CNTNAP5: variants seen among roughly 807,000 people sequenced by gnomAD.
CNTNAP5 encodes the protein contactin-associated protein-like 5.
CNTNAP5 carries 72 observed loss-of-function variants against 150.2 expected under a neutral mutation model. That is an observed-to-expected ratio of 0.48 (90% CI 0.40 to 0.58). The LOEUF (loss-of-function observed/expected upper bound fraction) is 0.58, where lower values mean the gene tolerates loss of function less well. Among genes scored for constraint, CNTNAP5 ranks in the 20% least tolerant of loss-of-function variants. CNTNAP5 has a pLI of 0.00. For synonymous variants in CNTNAP5, 672 were observed against 619.8 expected (o/e 1.08, Z -1.25); for missense variants, 1,636 against 1,626.2 (o/e 1.01, Z -0.10).
At chr2:124,574,181 G>A (rs959621414) in intron 11 of CNTNAP5, among the ~76,000 whole-genome samples, 13 of 152,050 alleles carry the variant, frequency 8.5e-5, no homozygotes, top group African/African-American at 2.7e-4. Context: ...GTAGAACCCC[G>A]GTGGCAGGTT....
intron 1 of CNTNAP5, among the ~76,000 whole-genome samples, chr2:124,209,206 C>T (rs1685942262): frequency 6.6e-6 from 1 of 152,120 alleles, no homozygotes; most frequent in Non-Finnish European, 1.5e-5. Context: ...AGATATATCC[C>T]CAACTTGTTC....
chr2:124,589,750 G>A (rs1281490619), intron 11 of CNTNAP5, among the ~76,000 whole-genome samples: 3 of 152,080 alleles, frequency 2.0e-5, no homozygotes, highest in African/African-American at 2.4e-5. Flanking sequence ...TCCTTTTTAC[G>A]TGAACTCAGT....
At chr2:124,154,187 C>T (rs889641524) in intron 1 of CNTNAP5, among the ~76,000 whole-genome samples, 4 of 152,084 alleles carry the variant, frequency 2.6e-5, no homozygotes, top group Non-Finnish European at 1.5e-5. Context: ...GAAGTGGGCC[C>T]TTTTGAGCCA....
chr2:124,580,312 G>C (rs941020523), intron 11 of CNTNAP5, among the ~76,000 whole-genome samples: 2 of 152,186 alleles, frequency 1.3e-5, no homozygotes, highest in African/African-American at 2.4e-5. Context: ...TCTGTAAGTT[G>C]TCAACTATAA....
intron 3 of CNTNAP5, among the ~76,000 whole-genome samples, chr2:124,408,619 G>A (rs528084452): frequency 1.3e-5 from 2 of 150,508 alleles, no homozygotes. Flanking sequence ...CCCCAGCAGG[G>A]GGGCACACTG....
chr2:124,834,320 CA>C (rs1682779184), intron 19 of CNTNAP5, among the ~76,000 whole-genome samples: 1 of 152,110 alleles, frequency 6.6e-6, no homozygotes, highest in Non-Finnish European at 1.5e-5. Context: ...TACATATGCA[CA>C]AATGATATTT....
intron 13 of CNTNAP5, among the ~76,000 whole-genome samples, chr2:124,696,764 G>A (rs1026533070): frequency 1.3e-5 from 2 of 152,100 alleles, no homozygotes; most frequent in African/African-American, 4.8e-5. Flanking sequence ...CGTATGCCCA[G>A]TCCTGACACC....
chr2:124,732,089 TAGC>T (rs1164021231), intron 13 of CNTNAP5, among the ~76,000 whole-genome samples: 1 of 152,102 alleles, frequency 6.6e-6, no homozygotes, highest in Non-Finnish European at 1.5e-5. Context: ...CAATGCAAAA[TAGC>T]AGCTTGTCAG....
intron 13 of CNTNAP5, among the ~76,000 whole-genome samples, chr2:124,736,661 G>A (rs975819320): frequency 1.3e-5 from 2 of 152,166 alleles, no homozygotes; most frequent in South Asian, 2.1e-4. Context: ...TGGAAAAAAA[G>A]CACTTGATTT....
At chr2:124,323,238 A>G (rs145137338) in intron 3 of CNTNAP5, among the ~76,000 whole-genome samples, 1 of 152,256 alleles carries the variant, frequency 6.6e-6, no homozygotes, top group Non-Finnish European at 1.5e-5. Flanking sequence ...TTCTCATGCA[A>G]CTCAGAAACT....
At chr2:124,145,896 G>A (rs1224037238) in intron 1 of CNTNAP5, among the ~76,000 whole-genome samples, 5 of 148,932 alleles carry the variant, frequency 3.4e-5, no homozygotes, top group African/African-American at 1.2e-4. Flanking sequence ...GGGAAGGATT[G>A]AAATGTGATA....
intron 3 of CNTNAP5, among the ~76,000 whole-genome samples, chr2:124,336,392 A>G (rs1430805386): frequency 2.0e-5 from 3 of 151,614 alleles, no homozygotes; most frequent in African/African-American, 7.3e-5. Context: ...TTTTCATTAT[A>G]CTTTAAGTTT....
intron 10 of CNTNAP5, among the ~76,000 whole-genome samples, chr2:124,554,379 A>G (rs561133876): frequency 3.3e-5 from 5 of 152,040 alleles, no homozygotes; most frequent in African/African-American, 1.2e-4. Flanking sequence ...TTACTAAGGA[A>G]GATTTCAATT....
rs191017379 is a variant in CNTNAP5, at chr2:124,450,664, C to T, written c.918+3727C>T. ...ACCCATGTGACTTCTCCAAACGCTG[C>T]GAGAAGGATTGTAGCAGCTCAGTTT... On this transcript the variant is annotated intron_variant, in intron 6 of 23. Transcript: ENST00000682447. 5.2e-3 allele frequency among the ~76,000 whole-genome samples: 781 copies of T among 151,284 alleles called. 3 individuals carry two copies. Among genetic ancestry groups the T allele is most frequent in the Non-Finnish European group, 8.5e-3 (580 of 67,906 alleles).
intron 19 of CNTNAP5, among the ~76,000 whole-genome samples, chr2:124,818,010 C>T (rs1682401939): frequency 6.6e-6 from 1 of 152,158 alleles, no homozygotes; most frequent in African/African-American, 2.4e-5. Flanking sequence ...GACAGTTCCA[C>T]CACTGCCCCG....
In CNTNAP5 at chr2:124,715,679, C is replaced by T. The variant is rs531339087; in HGVS notation, c.2078-31550C>T. 7.9e-5 allele frequency among the ~76,000 whole-genome samples: 12 copies of T among 152,048 alleles called. 1 individual carries two copies. In the South Asian group the frequency reaches 2.3e-3, roughly 29 times the overall value. On this transcript the variant is annotated intron_variant, in intron 13 of 23. Transcript: ENST00000682447. ...ACATGTATCATTTCCATTTATATACCATTGATGAGAACTTAGTCACACGGC... is the reference window on the plus strand; with the variant it reads ...ACATGTATCATTTCCATTTATATACTATTGATGAGAACTTAGTCACACGGC...
At chr2:124,289,227 G>A (rs1688225679) in intron 3 of CNTNAP5, among the ~76,000 whole-genome samples, 1 of 152,144 alleles carries the variant, frequency 6.6e-6, no homozygotes, top group African/African-American at 2.4e-5. Context: ...TCACTAATTA[G>A]ACACCTATCA....
chr2:124,573,617 G>T (rs1696213702), intron 11 of CNTNAP5, among the ~76,000 whole-genome samples: 1 of 152,144 alleles, frequency 6.6e-6, no homozygotes, highest in African/African-American at 2.4e-5. Flanking sequence ...AGAAAAATTA[G>T]CACCTATTTT....
chr2:124,295,536 G>A (rs1688405293), intron 3 of CNTNAP5, among the ~76,000 whole-genome samples: 1 of 152,266 alleles, frequency 6.6e-6, no homozygotes, highest in Non-Finnish European at 1.5e-5. Context: ...ACAAAATTGA[G>A]TGTGGATCTT....
Sources: allele counts gnomAD v4.1 joint callset (sites outside exome capture counted in the v4.1 genomes callset), GRCh38; gene constraint gnomAD v4.1.1; transcripts MANE v1.5; gene names NCBI Gene and HGNC (gene_info 2026-07-23, HGNC 2026-07-21).